The following TG variants were observed in gnomAD, a reference collection of about 807,000 sequenced individuals.
TG encodes thyroglobulin.
A neutral mutation model predicts 324.7 loss-of-function variants in TG; 270 were observed. The observed-to-expected ratio is 0.83, with a 90% CI of 0.75 to 0.92. TG has a LOEUF of 0.92. Among genes scored for constraint, TG ranks in the 40% least tolerant of loss-of-function variants. TG has a pLI of 0.00. For synonymous variants in TG, 1,401 were observed against 1,327.0 expected (o/e 1.06, Z -1.21); for missense variants, 3,591 against 3,456.4 (o/e 1.04, Z -0.98).
At chr8:132,881,596 C>G (rs571600287) in intron 5 of TG, among the ~76,000 whole-genome samples, 1 of 152,282 alleles carries the variant, frequency 6.6e-6, no homozygotes, top group East Asian at 1.9e-4. Context: ...ATAAATTGGT[C>G]AAATGCCATA....
chr8:132,870,009 G>A (rs1176289001), intron 3 of TG, among the ~76,000 whole-genome samples, 183 bp downstream of exon 3: 1 of 152,156 alleles, frequency 6.6e-6, no homozygotes, highest in Non-Finnish European at 1.5e-5. Flanking sequence ...GGGCCACTGT[G>A]AAAGTCCAGT....
At chr8:132,920,057 G>A (rs899535938) in intron 21 of TG, among the ~76,000 whole-genome samples, 3 of 152,314 alleles carry the variant, frequency 2.0e-5, no homozygotes, top group African/African-American at 7.2e-5. Context: ...TCTGATTTTT[G>A]TAAGTCAACC....
intron 41 of TG, among the ~76,000 whole-genome samples, chr8:133,062,027 T>G (rs1221007533): frequency 6.6e-6 from 1 of 152,210 alleles, no homozygotes; most frequent in Non-Finnish European, 1.5e-5. Context: ...CCGAAGACAA[T>G]GACCAGGCTC....
At chr8:132,952,499 C>T (rs140261636) in intron 27 of TG, among the ~76,000 whole-genome samples, 47 of 152,298 alleles carry the variant, frequency 3.1e-4, no homozygotes, top group African/African-American at 1.1e-3. Flanking sequence ...TCCCTAACAG[C>T]ACACCCAACA....
At chr8:132,971,746 GGTC>G (rs757163252) in intron 32 of TG, 45 bp from the exon 33 acceptor site, 2 of 1,371,028 alleles carry the variant, frequency 1.5e-6, no homozygotes, top group South Asian at 2.3e-5. Context: ...GTAGGTCCTG[GGTC>G]ACCAGTGAAA....
chr8:133,012,067 G>A (rs1834560381), intron 36 of TG, 32 bp downstream of exon 36: 10 of 1,613,698 alleles, frequency 6.2e-6, no homozygotes, highest in Middle Eastern at 3.3e-4. Flanking sequence ...CAGGTTGGGT[G>A]GGACAAAACC....
At chr8:132,900,929 T>C (rs1432911951) in intron 15 of TG, among the ~76,000 whole-genome samples, 1 of 152,232 alleles carries the variant, frequency 6.6e-6, no homozygotes, top group Non-Finnish European at 1.5e-5. Context: ...TCACGCGTTC[T>C]GGCTGTGCCA....
chr8:132,927,461 T>G (rs1822045934), intron 22 of TG, among the ~76,000 whole-genome samples: 1 of 152,244 alleles, frequency 6.6e-6, no homozygotes, highest in African/African-American at 2.4e-5. Flanking sequence ...TGTTAACCTT[T>G]TATGCTTTCC....
chr8:132,954,343 G>A (rs1826550341), intron 27 of TG, among the ~76,000 whole-genome samples: 1 of 152,128 alleles, frequency 6.6e-6, no homozygotes, highest in Admixed American at 6.5e-5. Context: ...TTTATAGTTT[G>A]GATTCCCCCA....
chr8:132,992,733 A>C (rs1832490792), intron 35 of TG, among the ~76,000 whole-genome samples: 1 of 152,114 alleles, frequency 6.6e-6, no homozygotes, highest in South Asian at 2.1e-4. Flanking sequence ...ACACCTCTAT[A>C]GGGTTTGTTC....
chr8:133,058,845 C>T (rs1414281035), intron 41 of TG, among the ~76,000 whole-genome samples: 3 of 152,214 alleles, frequency 2.0e-5, no homozygotes, highest in East Asian at 3.9e-4. Flanking sequence ...ATCCCTCTTG[C>T]ATTTGGCTTG....
In TG at chr8:133,019,153, G is replaced by T. The variant is rs563696299; in HGVS notation, c.6783-449G>T. Among the ~76,000 whole-genome samples the T allele has an allele frequency of 2.7e-4, 41 of 152,296 alleles. 2 individuals are homozygous for T. The East Asian group carries it at 7.5e-3, about 28-fold the overall frequency. On this transcript the variant is annotated intron_variant, in intron 38 of 47. Coordinates refer to ENST00000220616, the MANE Select transcript of TG (RefSeq NM_003235.5). ...GTAGATGACCATTGCGCTGCCATTA[G>T]TCATAGTCACAGCTGTAGTCAGCTC...
intron 41 of TG, among the ~76,000 whole-genome samples, chr8:133,066,731 G>A (rs1220236555): frequency 6.6e-6 from 1 of 152,196 alleles, no homozygotes; most frequent in Non-Finnish European, 1.5e-5. Context: ...TCTGAGCCTT[G>A]ATTTTCAAAT....
chr8:133,132,728 T>C (rs1429467209), intron 46 of TG, among the ~76,000 whole-genome samples: 6 of 152,144 alleles, frequency 3.9e-5, no homozygotes, highest in African/African-American at 1.2e-4. Flanking sequence ...CAGGAGAAAA[T>C]AAAGCTTTAT....
intron 35 of TG, among the ~76,000 whole-genome samples, chr8:133,011,160 G>T (rs1479153813): frequency 1.3e-5 from 2 of 152,192 alleles, no homozygotes; most frequent in African/African-American, 4.8e-5. Context: ...CAAATCAAAT[G>T]ATGGCCCCAC....
intron 45 of TG, among the ~76,000 whole-genome samples, chr8:133,121,812 C>T (rs897485043): frequency 4.6e-5 from 7 of 152,208 alleles, no homozygotes; most frequent in African/African-American, 1.7e-4. Context: ...GCATTCTTGA[C>T]AACCCCCTGT....
intron 40 of TG, among the ~76,000 whole-genome samples, chr8:133,028,405 G>T (rs1183192185): frequency 2.0e-5 from 3 of 152,222 alleles, no homozygotes. Context: ...ACAGCTGGAA[G>T]AATAATTTGT....
At chr8:132,983,296 T>G in intron 34 of TG, 54 bp from the exon 35 acceptor site, 1 of 1,577,908 alleles carries the variant, frequency 6.3e-7, no homozygotes, top group Non-Finnish European at 8.7e-7. Context: ...CCTTCTGAAC[T>G]CGATGATACC....
chr8:132,983,429 TTTA>T lies in TG; in HGVS notation c.6262+19_6262+21del. 1 of 1,611,856 alleles carries T rather than the reference TTTA, an allele frequency of 6.2e-7. No homozygotes were observed. Among genetic ancestry groups the T allele is most frequent in the Admixed American group, 1.7e-5 (1 of 60,022 alleles). On this transcript the variant is annotated intron_variant, in intron 35 of 47. Coordinates refer to ENST00000220616, the MANE Select transcript of TG (RefSeq NM_003235.5). ...CAGAGAAAGGTAAGTTCATTGTCTT[TTTA>T]TCTCTTGGATGAGAGTACCCCCTCA... is the stretch of plus-strand genomic sequence containing the variant.
Sources: gnomAD v4.1 joint callset for allele counts (sites outside exome capture counted in the v4.1 genomes callset) on GRCh38, gnomAD v4.1.1 for gene constraint, MANE v1.5 for transcripts, NCBI Gene and HGNC (gene_info 2026-07-23, HGNC 2026-07-21) for gene names.